The following SMPDL3B variants were observed in gnomAD, a reference collection of about 807,000 sequenced individuals.
The protein encoded by SMPDL3B is acid sphingomyelinase-like phosphodiesterase 3b.
Under a neutral mutation model 37.9 loss-of-function variants are expected in SMPDL3B, and 31 were observed. That is an observed-to-expected ratio of 0.82 (90% CI 0.61 to 1.10). SMPDL3B has a LOEUF of 1.10. Among genes scored for constraint, SMPDL3B ranks in the 50% least tolerant of loss-of-function variants. The pLI is 0.00. For synonymous variants in SMPDL3B, 235 were observed against 242.6 expected, an observed-to-expected ratio of 0.97 and a Z score of 0.29; for missense variants, 525 against 597.8, an observed-to-expected ratio of 0.88 and a Z score of 1.27.
chr1:27,956,268 C>T (rs367560577), intron 7 of SMPDL3B, 186 bp downstream of exon 7: 2 of 1,526,468 alleles, frequency 1.3e-6, no homozygotes, highest in African/African-American at 2.8e-5. Context: ...CAGGGCAGTG[C>T]CTCACCAAGT....
At chr1:27,940,209 C>T (rs1330470438) in intron 1 of SMPDL3B, among the ~76,000 whole-genome samples, 1 of 152,176 alleles carries the variant, frequency 6.6e-6, no homozygotes, top group Non-Finnish European at 1.5e-5. Context: ...CCCACCAGTC[C>T]TCCTCTTAGA....
chr1:27,952,145 G>C (rs2090460151), intron 3 of SMPDL3B, among the ~76,000 whole-genome samples: 1 of 151,108 alleles, frequency 6.6e-6, no homozygotes, highest in African/African-American at 2.4e-5. Context: ...ACACAGGAGT[G>C]AGTCCCTCCC....
At position 27,945,039 on chromosome 1, in the gene SMPDL3B, G is replaced by A. The variant is rs1255815584; in HGVS notation, c.62-193G>A. Among the ~76,000 whole-genome samples the A allele has an allele frequency of 1.3e-5, 2 of 152,180 alleles. No homozygotes were observed. Among genetic ancestry groups the A allele is most frequent in the Non-Finnish European group, 2.9e-5 (2 of 68,020 alleles). On this transcript the variant is annotated intron_variant, in intron 1 of 7. Transcript: ENST00000373894. The surrounding 1 kb of genome is among the most constrained non-coding windows in gnomAD (Gnocchi z 4.0). ...AGCGCTCAGGGATGGAGCTGAGCCT[G>A]TTCTGTGCTCTGCTCAATGTGTCCC... is the stretch of plus-strand genomic sequence containing the variant.
At chr1:27,954,037 G>A (rs182304001) in intron 4 of SMPDL3B, among the ~76,000 whole-genome samples, 1 of 152,364 alleles carries the variant, frequency 6.6e-6, no homozygotes, top group Admixed American at 6.5e-5. Context: ...AGACAGCTGA[G>A]CAGTGAAGGG....
At chr1:27,955,436 G>T (rs1048552710) in intron 5 of SMPDL3B, among the ~76,000 whole-genome samples, 1 of 152,186 alleles carries the variant, frequency 6.6e-6, no homozygotes, top group African/African-American at 2.4e-5. Flanking sequence ...TTGAAGTGTG[G>T]GGAGGATTTA....
chr1:27,937,991 C>G (rs2090323669), intron 1 of SMPDL3B, among the ~76,000 whole-genome samples: 1 of 152,154 alleles, frequency 6.6e-6, no homozygotes, highest in African/African-American at 2.4e-5. Context: ...AAGTTACTAC[C>G]CCTTCCCTAG....
intron 1 of SMPDL3B, among the ~76,000 whole-genome samples, chr1:27,936,945 C>T (rs1385169738): frequency 6.6e-6 from 1 of 152,044 alleles, no homozygotes; most frequent in Non-Finnish European, 1.5e-5. Context: ...GGGGTAAACC[C>T]GGGAGGTGGA....
At chr1:27,954,666 T>C (rs1472057548) in intron 5 of SMPDL3B, 140 bp downstream of exon 5, 3 of 726,020 alleles carry the variant, frequency 4.1e-6, no homozygotes, top group Non-Finnish European at 6.9e-6. Context: ...GCAGAGGGCT[T>C]CCTCCATCCT....
chr1:27,944,453 C>T (rs184020630), intron 1 of SMPDL3B, among the ~76,000 whole-genome samples: 1 of 152,272 alleles, frequency 6.6e-6, no homozygotes, highest in East Asian at 1.9e-4. Flanking sequence ...CTCCTGGGCT[C>T]AGGCGATCCT....
chr1:27,954,359 T>A lies in SMPDL3B; in HGVS notation c.523T>A (p.Phe175Ile), dbSNP rs371222599. Residue 175 changes from phenylalanine to isoleucine, a missense_variant, in exon 5 of 8, where the codon TTC (phenylalanine) becomes ATC (isoleucine). By Grantham distance (21) the Phe-to-Ile change is conservative. Coordinates refer to ENST00000373894, the MANE Select transcript of SMPDL3B (RefSeq NM_014474.4). ...ATTGTCCCTGGCTGTGACAGGTGCCTTCTACTGTGAGAAGCTGCCGGGTCC... is the reference window on the plus strand; with the variant it reads ...ATTGTCCCTGGCTGTGACAGGTGCCATCTACTGTGAGAAGCTGCCGGGTCC... Reference protein sequence around the residue: ...ESIALFKKGAFYCEKLPGPSG... With the variant: ...ESIALFKKGAIYCEKLPGPSG... 1.2e-6 allele frequency: 2 copies of A among 1,613,754 alleles called. No homozygotes were observed.
chr1:27,958,667 CT>C lies in SMPDL3B; in HGVS notation c.1198del (p.Tyr400ThrfsTer45). 1 of 1,614,010 alleles carries C rather than the reference CT, an allele frequency of 6.2e-7. No individual in the cohort carries two copies. The highest frequency in any genetic ancestry group is 8.5e-7 in the Non-Finnish European group (1 of 1,180,020). On this transcript the variant is annotated frameshift_variant, in exon 8 of 8. Coordinates refer to ENST00000373894, the MANE Select transcript of SMPDL3B (RefSeq NM_014474.4). LOFTEE classifies it low-confidence loss of function (END_TRUNC). The surrounding 1 kb of genome is among the most constrained non-coding windows in gnomAD (Gnocchi z 5.6). ...GCTACTACGTCTATAACTCAGTCAG[CT>C]ACTCTGCTGGGGTCTGCGACGAGGC... is the stretch of plus-strand genomic sequence containing the variant. ...QRYYVYNSVSYSAGVCDEACS... is the reference protein window; with the variant it reads ...QRYYVYNSVSXSAGVCDEACS...
intron 3 of SMPDL3B, among the ~76,000 whole-genome samples, chr1:27,949,904 T>C (rs140808955): frequency 4.4e-4 from 65 of 147,174 alleles, no homozygotes; most frequent in Non-Finnish European, 8.8e-4. Flanking sequence ...TATGGAGTAA[T>C]AATAAAAATA....
intron 2 of SMPDL3B, 190 bp from the exon 3 acceptor site, chr1:27,948,872 ACAG>A (rs1342429415): frequency 1.3e-5 from 13 of 995,888 alleles, no homozygotes; most frequent in Non-Finnish European, 2.0e-5. Context: ...CAAGGGACCC[ACAG>A]CAGGAAAATG....
Position 27,953,371 on chromosome 1 carries a change from C to T in SMPDL3B, c.517+13C>T, listed in dbSNP as rs764041344. 6.2e-7 allele frequency: 1 copy of T among 1,603,894 alleles called. No homozygotes were observed. Among genetic ancestry groups the T allele is most frequent in the South Asian group, 1.1e-5 (1 of 89,132 alleles). ...CTCTTCAAAAAAGGTACCAACACCA[C>T]CTGCTCCTATCAAGAGCACTTACTG... On this transcript the variant is annotated intron_variant, in intron 4 of 7. Transcript: ENST00000373894.
At chr1:27,935,318 G>GCC in intron 1 of SMPDL3B, 74 bp downstream of exon 1, 2 of 1,198,070 alleles carry the variant, frequency 1.7e-6, no homozygotes, top group Non-Finnish European at 2.5e-6. Context: ...GCTGCTCGCA[G>GCC]CCAGCTTGAA....
At chr1:27,936,820 A>C (rs10794508) in intron 1 of SMPDL3B, among the ~76,000 whole-genome samples, 112,771 of 152,030 alleles carry the variant, frequency 0.74, 41,800 homozygotes, top group South Asian at 0.81. Flanking sequence ...AGATTGAGAC[A>C]ATCCTGGCTA....
intron 1 of SMPDL3B, among the ~76,000 whole-genome samples, chr1:27,940,171 C>A (rs2090344996): frequency 6.6e-6 from 1 of 152,144 alleles, no homozygotes; most frequent in Non-Finnish European, 1.5e-5. Flanking sequence ...GGCCAGGACA[C>A]TTTTTGCCTG....
chr1:27,954,481 G>A lies in SMPDL3B; in HGVS notation c.645G>A (p.Gln215=). 6.2e-7 allele frequency: 1 copy of A among 1,614,058 alleles called. No homozygotes were observed. Among genetic ancestry groups the A allele is most frequent in the Non-Finnish European group, 8.5e-7 (1 of 1,180,028 alleles). The stretch of plus-strand genomic sequence containing the variant: ...TGGCGGACCCTGGCCAGCAGTTCCA[G>A]TGGCTGGAAGATGTGCTGACCGATG... ...ADMADPGQQF[Q]WLEDVLTDAS... Residue 215 remains glutamine, a synonymous_variant, in exon 5 of 8, where the codon CAG becomes CAA. Transcript: ENST00000373894.
In SMPDL3B at chr1:27,945,153, C is replaced by G. The variant is rs547045855; in HGVS notation, c.62-79C>G. 15 of 1,413,980 alleles carry G rather than the reference C, an allele frequency of 1.1e-5. No homozygotes were observed. In the African/African-American group the frequency reaches 1.8e-4, roughly 17 times the overall value. The allele number at this position is 1,413,980 out of a possible 1,614,324, so 87.6% of individuals were successfully genotyped here. On this transcript the variant is annotated intron_variant, in intron 1 of 7. Transcript: ENST00000373894. The surrounding 1 kb of genome is among the most constrained non-coding windows in gnomAD (Gnocchi z 4.0). ...TGCCTGTGTAACGCCCCTGCCCCAG[C>G]CCAGGGCTCCCCTGGACTTCCTTGC...
Sources: allele counts gnomAD v4.1 joint callset (sites outside exome capture counted in the v4.1 genomes callset), GRCh38; gene constraint gnomAD v4.1.1; non-coding constraint Gnocchi (gnomAD v3.1); transcripts MANE v1.5; gene names NCBI Gene and HGNC (gene_info 2026-07-23, HGNC 2026-07-21).